Variants in PPP3R1 observed in about 807,000 individuals in gnomAD.
PPP3R1 encodes calcineurin subunit B type 1.
Under a neutral mutation model 22.6 loss-of-function variants are expected in PPP3R1, and 5 were observed. That is an observed-to-expected ratio of 0.22 (90% CI 0.12 to 0.46). The LOEUF is 0.46. Ranked by LOEUF, PPP3R1 falls within the 20% of genes least tolerant of loss-of-function variation. The pLI is 0.99. For synonymous variants in PPP3R1, 56 were observed against 65.2 expected (o/e 0.86, Z 0.68); for missense variants, 61 against 203.2 (o/e 0.30, Z 4.25).
At chr2:68,217,187 T>C in intron 1 of PPP3R1, 56 bp from the exon 2 acceptor site, 1 of 1,268,138 alleles carries the variant, frequency 7.9e-7, no homozygotes, top group African/African-American at 1.5e-5. Context: ...TTGTTTAAAA[T>C]ATTAAACCTA....
chr2:68,221,436 T>G (rs1572968162), intron 1 of PPP3R1, among the ~76,000 whole-genome samples: 1 of 151,278 alleles, frequency 6.6e-6, no homozygotes, highest in African/African-American at 2.4e-5. Flanking sequence ...AGGTCAAGGG[T>G]GCAGTGAGCC....
At chr2:68,195,310 T>C (rs1342989777) in intron 2 of PPP3R1, among the ~76,000 whole-genome samples, 1 of 152,184 alleles carries the variant, frequency 6.6e-6, no homozygotes, top group Non-Finnish European at 1.5e-5. Flanking sequence ...TTTCTCATGA[T>C]TAGAATGCAT....
chr2:68,202,928 G>A (rs748964936), intron 2 of PPP3R1, among the ~76,000 whole-genome samples: 4 of 146,186 alleles, frequency 2.7e-5, no homozygotes, highest in East Asian at 2.1e-4. Context: ...TCAGCCTCCC[G>A]AGTAGCTGGG....
chr2:68,221,182 T>C (rs555308214), intron 1 of PPP3R1, among the ~76,000 whole-genome samples: 1 of 151,912 alleles, frequency 6.6e-6, no homozygotes, highest in African/African-American at 2.4e-5. Context: ...AATACAAAAA[T>C]TAGCTGGGCA....
intron 5 of PPP3R1, among the ~76,000 whole-genome samples, chr2:68,185,521 A>G (rs955863274): frequency 3.4e-5 from 5 of 148,478 alleles, no homozygotes. Flanking sequence ...ATATATATAT[A>G]TATATCTCCC....
chr2:68,222,197 G>C (rs1669697951), intron 1 of PPP3R1, among the ~76,000 whole-genome samples: 1 of 152,130 alleles, frequency 6.6e-6, no homozygotes, highest in Non-Finnish European at 1.5e-5. Flanking sequence ...AGAAAAAATG[G>C]ATGTATGCTG....
chr2:68,202,618 T>G (rs2103747732), intron 2 of PPP3R1, among the ~76,000 whole-genome samples: 1 of 149,872 alleles, frequency 6.7e-6, no homozygotes. Flanking sequence ...AGAGACGAGG[T>G]TTCACCATGT....
At chr2:68,182,249 T>C (rs917843387) in intron 5 of PPP3R1, among the ~76,000 whole-genome samples, 3 of 152,148 alleles carry the variant, frequency 2.0e-5, no homozygotes, top group African/African-American at 4.8e-5. Context: ...ACTAAAAAAA[T>C]AGTCCCTTTA....
At chr2:68,240,457 G>T (rs1345835435) in intron 1 of PPP3R1, among the ~76,000 whole-genome samples, 2 of 152,188 alleles carry the variant, frequency 1.3e-5, no homozygotes, top group African/African-American at 2.4e-5. Flanking sequence ...CAGACAAGAT[G>T]CCCATTCTCA....
chr2:68,188,163 C>T (rs1674585736), intron 3 of PPP3R1, among the ~76,000 whole-genome samples: 1 of 151,990 alleles, frequency 6.6e-6, no homozygotes, highest in Non-Finnish European at 1.5e-5. Context: ...GAGCGAGACT[C>T]CATCTCAAAA....
Position 68,178,892 on chromosome 2 carries a change from T to C in PPP3R1, c.*2071A>G, listed in dbSNP as rs142228295. 1,137 of 150,628 alleles carry C rather than the reference T, an allele frequency of 7.5e-3. 7 individuals carry two copies. Among genetic ancestry groups the C allele is most frequent in the Non-Finnish European group, 0.012 (824 of 67,798 alleles). 9.3% of individuals were successfully genotyped at this position (150,628 alleles called of 1,614,324 possible). Reference sequence around the variant, plus strand: ...ATATTTTATTTTCTTATTCATACAGTATGAAGTTTTCTAAAGATCCCACAA... The same window carrying C: ...ATATTTTATTTTCTTATTCATACAGCATGAAGTTTTCTAAAGATCCCACAA... On this transcript the variant is annotated 3_prime_UTR_variant, in exon 6 of 6. Coordinates refer to ENST00000234310, the MANE Select transcript of PPP3R1 (RefSeq NM_000945.4).
At chr2:68,188,977 T>TC (rs1290746031) in intron 2 of PPP3R1, among the ~76,000 whole-genome samples, 2 of 152,202 alleles carry the variant, frequency 1.3e-5, no homozygotes, top group African/African-American at 4.8e-5. Flanking sequence ...TCTCAAGATA[T>TC]TCCAGGCCGG....
intron 2 of PPP3R1, among the ~76,000 whole-genome samples, chr2:68,216,477 TAAAAA>T (rs757456785): frequency 1.7e-3 from 253 of 150,146 alleles, no homozygotes; most frequent in East Asian, 6.8e-3. Context: ...AATTAAAAAT[TAAAAA>T]AAAAAAAGGA....
intron 1 of PPP3R1, among the ~76,000 whole-genome samples, chr2:68,219,583 T>C (rs1338052613): frequency 1.3e-5 from 2 of 152,190 alleles, no homozygotes; most frequent in African/African-American, 4.8e-5. Flanking sequence ...CACATCAGTT[T>C]GTAAATTATT....
At chr2:68,250,686 GCA>G (rs1165864104) in intron 1 of PPP3R1, among the ~76,000 whole-genome samples, 1 of 152,158 alleles carries the variant, frequency 6.6e-6, no homozygotes, top group Non-Finnish European at 1.5e-5. Flanking sequence ...GAGCTGCCTC[GCA>G]AGTTGGCAAG....
At chr2:68,223,124 G>A (rs761496354) in intron 1 of PPP3R1, among the ~76,000 whole-genome samples, 1 of 152,156 alleles carries the variant, frequency 6.6e-6, no homozygotes, top group South Asian at 2.1e-4. Flanking sequence ...GGCCGGGCGC[G>A]GTGGCTCACG....
At position 68,252,111 on chromosome 2, in the gene PPP3R1, A is replaced by G; in HGVS notation, c.3+14T>C. The G allele has an allele frequency of 1.4e-6, 2 of 1,429,440 alleles. No individual in the cohort carries two copies. The highest frequency in any genetic ancestry group is 1.9e-6 in the Non-Finnish European group (2 of 1,070,118). 88.5% of individuals were successfully genotyped at this position (1,429,440 alleles called of 1,614,324 possible). On this transcript the variant is annotated intron_variant, in intron 1 of 5. Coordinates refer to ENST00000234310, the MANE Select transcript of PPP3R1 (RefSeq NM_000945.4). Reference sequence around the variant, plus strand: ...AGGGGGAGGGATGGTGCATCGAGGAAGCCAAGGTCTCACCATTTTGCTCGG... The same window carrying G: ...AGGGGGAGGGATGGTGCATCGAGGAGGCCAAGGTCTCACCATTTTGCTCGG...
chr2:68,188,791 A>AG (rs1018852806), intron 2 of PPP3R1, 101 bp from the exon 3 acceptor site: 16 of 985,356 alleles, frequency 1.6e-5, no homozygotes, highest in Middle Eastern at 6.3e-4. Flanking sequence ...TAATAGTTAT[A>AG]GGGGGGAAAA....
intron 2 of PPP3R1, among the ~76,000 whole-genome samples, chr2:68,191,527 G>A (rs982471393): frequency 6.6e-6 from 1 of 152,120 alleles, no homozygotes; most frequent in African/African-American, 2.4e-5. Context: ...TAAGGGCCTA[G>A]GATATTACTG....
Sources: allele counts gnomAD v4.1 joint callset (sites outside exome capture counted in the v4.1 genomes callset), GRCh38; gene constraint gnomAD v4.1.1; transcripts MANE v1.5; gene names NCBI Gene and HGNC (gene_info 2026-07-23, HGNC 2026-07-21).